Variants in CALY observed in about 807,000 individuals in gnomAD.
CALY encodes the protein neuron-specific vesicular protein calcyon.
In CALY, 15 loss-of-function variants were observed where a neutral mutation model predicts 20.2. That is an observed-to-expected ratio of 0.74 (90% CI 0.50 to 1.14). The LOEUF (loss-of-function observed/expected upper bound fraction) is 1.14, where lower values mean the gene tolerates loss of function less well. CALY is among the 50% of genes most tolerant of loss of function. CALY has a pLI of 0.00. For missense variants in CALY, 270 were observed against 304.4 expected, an observed-to-expected ratio of 0.89 and a Z score of 0.84; for synonymous variants, 129 against 131.8, an observed-to-expected ratio of 0.98 and a Z score of 0.15.
chr10:133,326,498 A>C (rs1354115474), intron 4 of CALY, among the ~76,000 whole-genome samples: 1 of 152,170 alleles, frequency 6.6e-6, no homozygotes, highest in Non-Finnish European at 1.5e-5. Flanking sequence ...ATTATTGACA[A>C]AGAGATTTAA....
At chr10:133,335,811 G>C (rs978885136) in intron 1 of CALY, among the ~76,000 whole-genome samples, 1 of 152,190 alleles carries the variant, frequency 6.6e-6, no homozygotes, top group African/African-American at 2.4e-5. Context: ...CGCTCTGGCA[G>C]GGAGGCAGTG....
rs2136166042 is a variant in CALY at position 133,325,080 on chromosome 10, G to C, written c.*515C>G. The C allele has an allele frequency of 6.4e-6, 1 of 157,260 alleles. No individual in the cohort carries two copies. The highest frequency in any genetic ancestry group is 1.9e-4 in the East Asian group (1 of 5,244). 9.7% of individuals were successfully genotyped at this position (157,260 alleles called of 1,614,324 possible). A position where few individuals can be genotyped will look rare whatever the true frequency, so the allele number is the denominator to read the frequency against. On this transcript the variant is annotated 3_prime_UTR_variant, in exon 6 of 6. Coordinates refer to ENST00000252939, the MANE Select transcript of CALY (RefSeq NM_015722.4). ...TCAGAGGGGGAACGCCCGGGGCCCA[G>C]GCCCAGCACCAGGTAGATGGGGGCG... is the stretch of plus-strand genomic sequence containing the variant.
At chr10:133,326,359 C>T in intron 4 of CALY, 2 of 1,216,396 alleles carry the variant, frequency 1.6e-6, no homozygotes, top group Non-Finnish European at 2.4e-6. Context: ...CACCAGTGGA[C>T]CTGCCCAGCG....
chr10:133,333,357 T>G (rs1848348957), intron 1 of CALY, among the ~76,000 whole-genome samples: 3 of 5,054 alleles, frequency 5.9e-4, no homozygotes, highest in Admixed American at 2.6e-3. Flanking sequence ...GGGGAAGGAT[T>G]GCGCGGGTGG....
At chr10:133,333,906 A>G (rs1330785072) in intron 1 of CALY, among the ~76,000 whole-genome samples, 1 of 36,900 alleles carries the variant, frequency 2.7e-5, no homozygotes, top group Non-Finnish European at 4.9e-5. Flanking sequence ...CTGAAGGGGA[A>G]GCTCTGAGGG....
In CALY at chr10:133,326,130, G is replaced by A. The variant is rs1848204391; in HGVS notation, c.361-10C>T. ...GCGTGCAGATCTTGTGCTGCGGGAG[G>A]GGCCGGGTCAGGGTCGGTGGGGCTG... On this transcript the variant is annotated splice_polypyrimidine_tract_variant and intron_variant, in intron 4 of 5. Transcript: ENST00000252939. 3 of 1,593,160 alleles carry A rather than the reference G, an allele frequency of 1.9e-6. No individual in the cohort carries two copies. Among genetic ancestry groups the A allele is most frequent in the Non-Finnish European group, 2.6e-6 (3 of 1,166,646 alleles).
intron 1 of CALY, among the ~76,000 whole-genome samples, chr10:133,331,483 TAAATA>T (rs745412211): frequency 1.3e-5 from 2 of 151,840 alleles, no homozygotes; most frequent in African/African-American, 4.8e-5. Context: ...GTGGCAAAAA[TAAATA>T]AATAAATAAT....
rs1002954285 is a variant in CALY at position 133,330,864 on chromosome 10, G to C, written c.-20-1855C>G. On this transcript the variant is annotated intron_variant, in intron 1 of 5. Coordinates refer to ENST00000252939, the MANE Select transcript of CALY (RefSeq NM_015722.4). ...CTAACCCAGCAAGGACAGCAGCGGAGAGGAGCTCACAGGCCAGCCCCCGCC... is the reference window on the plus strand; with the variant it reads ...CTAACCCAGCAAGGACAGCAGCGGACAGGAGCTCACAGGCCAGCCCCCGCC... 1.1e-4 allele frequency among the ~76,000 whole-genome samples: 17 copies of C among 151,968 alleles called. No homozygotes were observed. The East Asian group carries it at 3.3e-3, about 29-fold the overall frequency.
chr10:133,327,351 G>T, intron 3 of CALY: 1 of 492,512 alleles, frequency 2.0e-6, no homozygotes. Context: ...GCACTCACCA[G>T]GCCTCCCAGG....
chr10:133,326,832 A>G, intron 4 of CALY, 46 bp downstream of exon 4: 1 of 1,297,964 alleles, frequency 7.7e-7, no homozygotes, highest in Non-Finnish European at 1.1e-6. Flanking sequence ...AGGCTACGGG[A>G]GGAGGGGCGG....
rs1179209202 is a variant in CALY, at chr10:133,324,560, T to C, written c.*1035A>G. 2 of 175,974 alleles carry C rather than the reference T, an allele frequency of 1.1e-5. No homozygotes were observed. Among genetic ancestry groups the C allele is most frequent in the Admixed American group, 1.7e-4 (2 of 11,864 alleles). The allele number at this position is 175,974 out of a possible 1,614,324, so 10.9% of individuals were successfully genotyped here. A position where few individuals can be genotyped will look rare whatever the true frequency, so the allele number is the denominator to read the frequency against. On this transcript the variant is annotated 3_prime_UTR_variant, in exon 6 of 6. Transcript: ENST00000252939. Reference sequence around the variant, plus strand: ...GGTGGGCGGGGCTGCAGTGCTGCAATTGGCTGGGGTGGGCGGGGCTGCAGA... The same window carrying C: ...GGTGGGCGGGGCTGCAGTGCTGCAACTGGCTGGGGTGGGCGGGGCTGCAGA...
chr10:133,328,813 G>A (rs767252678), intron 2 of CALY, 42 bp downstream of exon 2: 6 of 1,518,216 alleles, frequency 4.0e-6, no homozygotes, highest in South Asian at 1.2e-5. Context: ...TTTGTTCCCA[G>A]GGGAGCCTGA....
chr10:133,324,319 G>T lies in CALY; in HGVS notation c.*1276C>A, dbSNP rs1048249150. ...CTTCCAGCTCACCATGGCTTCCCTG[G>T]CAGGCCCAGTTCACAGGCTTCCTGG... is the stretch of plus-strand genomic sequence containing the variant. On this transcript the variant is annotated 3_prime_UTR_variant, in exon 6 of 6. Transcript: ENST00000252939. 2 of 455,588 alleles carry T rather than the reference G, an allele frequency of 4.4e-6. No homozygotes were observed. Among genetic ancestry groups the T allele is most frequent in the South Asian group, 3.1e-5 (2 of 64,520 alleles). The allele number at this position is 455,588 out of a possible 1,614,324, so 28.2% of individuals were successfully genotyped here.
At chr10:133,330,952 G>C (rs908242658) in intron 1 of CALY, among the ~76,000 whole-genome samples, 1 of 152,098 alleles carries the variant, frequency 6.6e-6, no homozygotes. Context: ...AATACAACAA[G>C]GTAACATATC....
At position 133,327,899 on chromosome 10, in the gene CALY, G is replaced by C; in HGVS notation, c.246+6C>G. 1 of 1,593,058 alleles carries C rather than the reference G, an allele frequency of 6.3e-7. No homozygotes were observed. Among genetic ancestry groups the C allele is most frequent in the Non-Finnish European group, 8.6e-7 (1 of 1,162,324 alleles). On this transcript the variant is annotated splice_donor_region_variant and intron_variant, in intron 3 of 5. Coordinates refer to ENST00000252939, the MANE Select transcript of CALY (RefSeq NM_015722.4). ...TCCCCACAGTGGGTGGGGTGGGTGTGGTTACCCTGCGCCCTTCCTCTGGGT... is the reference window on the plus strand; with the variant it reads ...TCCCCACAGTGGGTGGGGTGGGTGTCGTTACCCTGCGCCCTTCCTCTGGGT...
At chr10:133,335,727 C>T (rs1394383588) in intron 1 of CALY, among the ~76,000 whole-genome samples, 1 of 152,244 alleles carries the variant, frequency 6.6e-6, no homozygotes, top group Non-Finnish European at 1.5e-5. Context: ...GCCGCCTCTG[C>T]TTCTCCTCCC....
intron 4 of CALY, 115 bp downstream of exon 4, chr10:133,326,763 T>C (rs1457177394): frequency 3.0e-6 from 2 of 669,292 alleles, no homozygotes; most frequent in African/African-American, 1.8e-5. Context: ...AACAGGAACA[T>C]GGCTTTGGAG....
At chr10:133,328,295 T>C (rs1848247183) in intron 2 of CALY, among the ~76,000 whole-genome samples, 1 of 152,168 alleles carries the variant, frequency 6.6e-6, no homozygotes, top group African/African-American at 2.4e-5. Flanking sequence ...CAACTCAGGG[T>C]GCTGGAGAAT....
At chr10:133,328,036 G>A (rs761691697) in intron 2 of CALY, 21 bp from the exon 3 acceptor site, 2 of 1,457,178 alleles carry the variant, frequency 1.4e-6, no homozygotes, top group Non-Finnish European at 1.9e-6. Context: ...AGATGGCCAT[G>A]GCCTCAGTAG....
Sources: gnomAD v4.1 joint callset for allele counts (sites outside exome capture counted in the v4.1 genomes callset) on GRCh38, gnomAD v4.1.1 for gene constraint, MANE v1.5 for transcripts, NCBI Gene and HGNC (gene_info 2026-07-23, HGNC 2026-07-21) for gene names.